Variants in PCLO observed in about 807,000 individuals in gnomAD.
PCLO encodes the protein piccolo presynaptic cytomatrix protein, also known as protein piccolo.
In PCLO, 82 loss-of-function variants were observed where a neutral mutation model predicts 427.5. That is an observed-to-expected ratio of 0.19 (90% CI 0.16 to 0.23). The LOEUF (loss-of-function observed/expected upper bound fraction) is 0.23, where lower values mean the gene tolerates loss of function less well. PCLO is among the 10% of genes least tolerant of loss of function. The probability of loss-of-function intolerance (pLI) is 1.00; values close to 1 mark genes in which losing one functional copy is unlikely to be tolerated. For missense variants in PCLO, 6,239 were observed against 6,115.9 expected, an observed-to-expected ratio of 1.02 and a Z score of -0.67; for synonymous variants, 2,357 against 2,155.4, an observed-to-expected ratio of 1.09 and a Z score of -2.59.
chr7:82,902,282 T>C (rs546640290), intron 9 of PCLO, among the ~76,000 whole-genome samples: 1 of 151,738 alleles, frequency 6.6e-6, no homozygotes, highest in Non-Finnish European at 1.5e-5. Context: ...TGTAGGGACA[T>C]GGATGAAATT....
At chr7:82,996,178 A>G (rs1796491951) in intron 3 of PCLO, among the ~76,000 whole-genome samples, 1 of 151,968 alleles carries the variant, frequency 6.6e-6, no homozygotes, top group South Asian at 2.1e-4. Context: ...AAAATTATGC[A>G]AAATACTAAA....
At chr7:82,948,295 A>G (rs1795250181) in intron 6 of PCLO, among the ~76,000 whole-genome samples, 1 of 63,488 alleles carries the variant, frequency 1.6e-5, no homozygotes, top group Non-Finnish European at 3.8e-5. Flanking sequence ...CTACTTTGAG[A>G]AAAAAAAAAA....
At chr7:83,046,943 T>A (rs1789118684) in intron 3 of PCLO, among the ~76,000 whole-genome samples, 1 of 152,148 alleles carries the variant, frequency 6.6e-6, no homozygotes, top group East Asian at 1.9e-4. Flanking sequence ...ACAAACTTAT[T>A]GAAGTAGCAC....
At position 82,915,351 on chromosome 7, in the gene PCLO, A is replaced by T; in HGVS notation, c.12635T>A (p.Leu4212His). Residue 4212 changes from leucine (L) to histidine (H), a missense_variant, in exon 7 of 25, where the codon CTT becomes CAT. Around this residue, in one of 5 missense-constraint regions of PCLO, gnomAD observed 680 missense variants for 677.3 expected, o/e 1.00. Coordinates refer to ENST00000333891, the MANE Select transcript of PCLO (RefSeq NM_033026.6). ...CATATAGCTTGAATAATCAGGTTCA[A>T]GGTCTCTACTTTCTTGAATAGGTGA... ...KFSPIQESRD[L>H]EPDYSSYMTS... is the part of the protein sequence containing the mutation. The T allele has an allele frequency of 6.2e-7, 1 of 1,613,532 alleles. No homozygotes were observed. The highest frequency in any genetic ancestry group is 8.5e-7 in the Non-Finnish European group (1 of 1,179,688).
chr7:82,779,529 T>G (rs1425254477), intron 22 of PCLO, among the ~76,000 whole-genome samples: 1 of 152,140 alleles, frequency 6.6e-6, no homozygotes, highest in Non-Finnish European at 1.5e-5. Flanking sequence ...TCCTTTTTCA[T>G]TGTACTTTTT....
At position 83,155,452 on chromosome 7, in the gene PCLO, C is replaced by T; in HGVS notation, c.1189G>A (p.Val397Ile). 6.2e-7 allele frequency: 1 copy of T among 1,613,844 alleles called. No individual in the cohort carries two copies. Among genetic ancestry groups the T allele is most frequent in the Non-Finnish European group, 8.5e-7 (1 of 1,179,868 alleles). Residue 397 changes from valine (V) to isoleucine (I), a missense_variant, in exon 2 of 25, where the codon GTT (valine) becomes ATT (isoleucine). Around this residue, in one of 5 missense-constraint regions of PCLO, gnomAD observed 4,677 missense variants for 4,468.4 expected, o/e 1.05. Transcript: ENST00000333891. Reference sequence around the variant, plus strand: ...GGCTGTTGAGCTGGAGTCTTTCCAACTCCAGGAGGCTGAGCTAAAGCCTTT... The same window carrying T: ...GGCTGTTGAGCTGGAGTCTTTCCAATTCCAGGAGGCTGAGCTAAAGCCTTT... ...GPKALAQPPG[V>I]GKTPAQQPGP...
chr7:82,879,243 C>T (rs1793443300), intron 10 of PCLO, 94 bp downstream of exon 10: 1 of 1,127,774 alleles, frequency 8.9e-7, no homozygotes. Flanking sequence ...GGTTTACCTA[C>T]ACAGAGAAGG....
intron 4 of PCLO, among the ~76,000 whole-genome samples, chr7:82,964,516 A>G (rs1795721724): frequency 6.6e-6 from 1 of 152,192 alleles, no homozygotes; most frequent in African/African-American, 2.4e-5. Context: ...ACAGAACTCA[A>G]AACAAAACAA....
chr7:82,897,600 C>A (rs751655422), intron 9 of PCLO, among the ~76,000 whole-genome samples: 8 of 151,386 alleles, frequency 5.3e-5, no homozygotes, highest in Non-Finnish European at 1.0e-4. Flanking sequence ...GGTCCTCCTA[C>A]TAAATTGTTA....
chr7:82,768,922 A>G (rs1790589074), intron 22 of PCLO, among the ~76,000 whole-genome samples: 1 of 152,204 alleles, frequency 6.6e-6, no homozygotes, highest in Non-Finnish European at 1.5e-5. Flanking sequence ...ACAGAATACA[A>G]TCATCATTTC....
intron 8 of PCLO, among the ~76,000 whole-genome samples, chr7:82,903,099 A>G (rs1794097791): frequency 6.6e-6 from 1 of 151,942 alleles, no homozygotes; most frequent in Non-Finnish European, 1.5e-5. Flanking sequence ...CCAGCTGTTG[A>G]TTTTGCTCTG....
At chr7:83,021,679 A>G (rs1788347110) in intron 3 of PCLO, among the ~76,000 whole-genome samples, 1 of 152,198 alleles carries the variant, frequency 6.6e-6, no homozygotes, top group African/African-American at 2.4e-5. Flanking sequence ...AGCAAGGCCA[A>G]CATCTATTAA....
At chr7:82,947,879 T>A (rs1795241067) in intron 6 of PCLO, among the ~76,000 whole-genome samples, 1 of 151,952 alleles carries the variant, frequency 6.6e-6, no homozygotes. Context: ...AGGAAAAAAA[T>A]ATTGATAACT....
chr7:83,107,699 T>C (rs1268740438), intron 3 of PCLO, among the ~76,000 whole-genome samples: 1 of 40,752 alleles, frequency 2.5e-5, no homozygotes, highest in Non-Finnish European at 4.8e-5. Flanking sequence ...ATAGAGAGAA[T>C]ATAAGAAGAG....
intron 2 of PCLO, among the ~76,000 whole-genome samples, chr7:83,143,954 C>T (rs1791930834): frequency 3.3e-5 from 5 of 152,144 alleles, no homozygotes; most frequent in Admixed American, 3.3e-4. Context: ...TTGCATTGTC[C>T]TCTTATTATT....
Position 82,824,340 on chromosome 7 carries a change from C to T in PCLO, c.14492G>A (p.Ser4831Asn). ...RWYPLKEQTESIDHGKSHSSQ... is the reference protein window; with the variant it reads ...RWYPLKEQTENIDHGKSHSSQ... The stretch of plus-strand genomic sequence containing the variant: ...GGAATGAGACTTGCCATGATCAATG[C>T]TTTCAGTCTGTTCTTTGAGAGGATA... Residue 4831 changes from serine to asparagine, a missense_variant, in exon 19 of 25, where the codon AGC becomes AAC. Ser to Asn is a conservative substitution (Grantham distance 46). This residue lies in a region of PCLO where 877 missense variants were observed against 925.5 expected (regional missense o/e 0.95). Transcript: ENST00000333891. 1 of 1,613,028 alleles carries T rather than the reference C, an allele frequency of 6.2e-7. No individual in the cohort carries two copies. Among genetic ancestry groups the T allele is most frequent in the Non-Finnish European group, 8.5e-7 (1 of 1,179,340 alleles).
intron 6 of PCLO, among the ~76,000 whole-genome samples, chr7:82,925,252 AT>A (rs919054453): frequency 4.9e-4 from 74 of 151,428 alleles, no homozygotes; most frequent in Admixed American, 7.9e-4. Context: ...TATGCAGGGT[AT>A]TTTTTTTTCT....
chr7:82,995,201 T>C (rs953529469), intron 3 of PCLO, among the ~76,000 whole-genome samples: 14 of 152,010 alleles, frequency 9.2e-5, no homozygotes, highest in African/African-American at 3.4e-4. Flanking sequence ...CATGAAGGTC[T>C]ATGACTGAAG....
chr7:83,151,352 A>T (rs1245187883), intron 2 of PCLO, among the ~76,000 whole-genome samples: 3 of 152,212 alleles, frequency 2.0e-5, no homozygotes. Flanking sequence ...ATTTGTTTCA[A>T]ATATTAAGAT....
Sources: gnomAD v4.1 joint callset for allele counts (sites outside exome capture counted in the v4.1 genomes callset) on GRCh38, gnomAD v4.1.1 for gene constraint, gnomAD v4.1.1 regional missense constraint, MANE v1.5 for transcripts, NCBI Gene and HGNC (gene_info 2026-07-23, HGNC 2026-07-21) for gene names.